DNAJB4: variants seen among roughly 807,000 people sequenced by gnomAD.
DNAJB4 encodes the protein DnaJ heat shock protein family (Hsp40) member B4.
A neutral mutation model predicts 26.6 loss-of-function variants in DNAJB4; 10 were observed. That is an observed-to-expected ratio of 0.38 (90% CI 0.23 to 0.64). The LOEUF is 0.64. DNAJB4 is among the 30% of genes least tolerant of loss of function. The pLI is 0.58. For missense variants in DNAJB4, 328 were observed against 408.2 expected (o/e 0.80, Z 1.69); for synonymous variants, 136 against 134.8 (o/e 1.01, Z -0.06).
intron 1 of DNAJB4, among the ~76,000 whole-genome samples, chr1:77,989,531 A>C (rs1197394600): frequency 2.6e-5 from 4 of 152,190 alleles, no homozygotes; most frequent in African/African-American, 9.7e-5. Flanking sequence ...GAATTCTGAG[A>C]GACTAAATGA....
At chr1:77,979,969 GCCT>G (rs1659482612), upstream of DNAJB4, among the ~76,000 whole-genome samples, 1 of 151,884 alleles carries the variant, frequency 6.6e-6, no homozygotes, top group Non-Finnish European at 1.5e-5. Flanking sequence ...TGCATCCTCC[GCCT>G]CCTGGGTTCA....
intron 1 of DNAJB4, among the ~76,000 whole-genome samples, chr1:77,981,579 T>C (rs552974890): frequency 6.6e-6 from 1 of 152,322 alleles, no homozygotes; most frequent in African/African-American, 2.4e-5. Context: ...CCCAAAGTGC[T>C]GGGATTACAG....
intron 1 of DNAJB4, among the ~76,000 whole-genome samples, chr1:77,994,111 C>T (rs193116453): frequency 1.3e-5 from 2 of 152,062 alleles, no homozygotes; most frequent in East Asian, 3.9e-4. Context: ...TAAATTAAAT[C>T]ATTTGAGAGG....
chr1:77,994,412 GAAAA>G (rs1400712414), intron 1 of DNAJB4, among the ~76,000 whole-genome samples: 1 of 147,020 alleles, frequency 6.8e-6, no homozygotes, highest in Non-Finnish European at 1.5e-5. Context: ...AAAAAAAAAA[GAAAA>G]AAATTATTTG....
upstream of DNAJB4, chr1:78,004,855 G>C: frequency 8.5e-6 from 4 of 468,988 alleles, no homozygotes; most frequent in Non-Finnish European, 1.5e-5. Flanking sequence ...AGAAAGTACA[G>C]AGACACGTAG....
chr1:77,999,404 GTTA>G (rs1025612563), intron 1 of DNAJB4, among the ~76,000 whole-genome samples: 7 of 150,388 alleles, frequency 4.7e-5, no homozygotes, highest in East Asian at 1.9e-4. Context: ...TTATATAAAT[GTTA>G]TTATGGGGAA....
At chr1:77,979,350 G>T, upstream of DNAJB4, 1 of 265,096 alleles carries the variant, frequency 3.8e-6, no homozygotes, top group African/African-American at 2.2e-5. Context: ...AGTTGACTGC[G>T]ACTGTGTTTG....
chr1:78,010,230 A>G (rs1351419815), intron 1 of DNAJB4, among the ~76,000 whole-genome samples: 3 of 152,166 alleles, frequency 2.0e-5, no homozygotes, highest in Admixed American at 2.0e-4. Flanking sequence ...ATAAGAGGCT[A>G]GATTGGGCAG....
At position 77,987,228 on chromosome 1, in the gene DNAJB4, C is replaced by T. The variant is rs138743814; in HGVS notation, c.-32+6906C>T. On this transcript the variant is annotated intron_variant, in intron 1 of 2. Transcript: ENST00000426517. ...ACCCTATCTATGATTCTAGTAATTTCCTCTAGTCTCATGGTTTCAAATATC... is the reference window on the plus strand; with the variant it reads ...ACCCTATCTATGATTCTAGTAATTTTCTCTAGTCTCATGGTTTCAAATATC... Among the ~76,000 whole-genome samples the T allele has an allele frequency of 5.8e-3, 881 of 152,166 alleles. 3 individuals carry two copies. Among genetic ancestry groups the T allele is most frequent in the Non-Finnish European group, 0.01 (708 of 67,996 alleles).
upstream of DNAJB4, among the ~76,000 whole-genome samples, chr1:78,000,416 A>G (rs1030783673): frequency 1.3e-5 from 2 of 152,290 alleles, no homozygotes; most frequent in African/African-American, 4.8e-5. Context: ...CTGAGGTCAG[A>G]GAGATTTAAG....
intron 1 of DNAJB4, among the ~76,000 whole-genome samples, chr1:78,008,207 G>T (rs1419789339): frequency 6.6e-6 from 1 of 151,330 alleles, no homozygotes; most frequent in Non-Finnish European, 1.5e-5. Context: ...GCAAAGGAAA[G>T]AAAAAAAATA....
At chr1:77,990,501 C>T (rs977684041) in intron 1 of DNAJB4, among the ~76,000 whole-genome samples, 1 of 152,176 alleles carries the variant, frequency 6.6e-6, no homozygotes, top group African/African-American at 2.4e-5. Context: ...TATTATCTTA[C>T]ATTTTAATGA....
At chr1:77,986,628 A>T (rs547239852) in intron 1 of DNAJB4, among the ~76,000 whole-genome samples, 1 of 152,312 alleles carries the variant, frequency 6.6e-6, no homozygotes, top group African/African-American at 2.4e-5. Context: ...ACTTCAAATC[A>T]CCATTTGCTA....
intron 2 of DNAJB4, among the ~76,000 whole-genome samples, chr1:78,014,833 T>G (rs1467749354): frequency 6.6e-6 from 1 of 152,054 alleles, no homozygotes; most frequent in Non-Finnish European, 1.5e-5. Flanking sequence ...ACTCTTGACC[T>G]CAAGTAATCC....
chr1:77,984,187 GT>G (rs1429994198), intron 1 of DNAJB4, among the ~76,000 whole-genome samples: 3 of 152,150 alleles, frequency 2.0e-5, no homozygotes, highest in Admixed American at 6.5e-5. Flanking sequence ...TTAATCAAAT[GT>G]TTTCTTTGCC....
intron 1 of DNAJB4, among the ~76,000 whole-genome samples, chr1:78,010,745 GTGTTAGTGGCATTTTAAAT>G (rs1339035471): frequency 6.6e-6 from 1 of 152,160 alleles, no homozygotes; most frequent in East Asian, 1.9e-4. Context: ...AGTATGCTGT[GTGTTAGTGGCATTTTAAAT>G]TGTTAAATCT....
Position 77,992,412 on chromosome 1 carries a change from CAAAAAAAAAAA to C in DNAJB4, c.-32+12105_-32+12115del, listed in dbSNP as rs67649336. Among the ~76,000 whole-genome samples, 8 of 47,744 alleles carry C rather than the reference CAAAAAAAAAAA, an allele frequency of 1.7e-4. No individual in the cohort carries two copies. The South Asian group carries it at 4.9e-3, about 29-fold the overall frequency. 31.3% of individuals were successfully genotyped at this position (47,744 alleles called of 152,430 possible). On this transcript the variant is annotated intron_variant, in intron 1 of 2. Coordinates refer to the DNAJB4 transcript ENST00000426517. ...TGGGCGACAGAGCGAGACTCCGTCT[CAAAAAAAAAAA>C]AAAAAAAAAAAAAAGAACATAACAA...
chr1:78,007,349 A>G (rs1660354971), intron 1 of DNAJB4, among the ~76,000 whole-genome samples: 1 of 152,172 alleles, frequency 6.6e-6, no homozygotes, highest in South Asian at 2.1e-4. Context: ...TGGGAGGCCG[A>G]GACAGGCGAT....
intron 1 of DNAJB4, among the ~76,000 whole-genome samples, chr1:77,986,543 C>T (rs942773027): frequency 6.6e-6 from 1 of 152,194 alleles, no homozygotes; most frequent in Non-Finnish European, 1.5e-5. Context: ...TCCCACTCCC[C>T]TTTGTCTTTT....
Sources: gnomAD v4.1 joint callset for allele counts (sites outside exome capture counted in the v4.1 genomes callset) on GRCh38, gnomAD v4.1.1 for gene constraint, MANE v1.5 for transcripts, NCBI Gene and HGNC (gene_info 2026-07-23, HGNC 2026-07-21) for gene names.